Variants in EXOC4 observed in about 807,000 individuals in gnomAD.
EXOC4 encodes exocyst complex component 4.
A neutral mutation model predicts 107.2 loss-of-function variants in EXOC4; 71 were observed. That is an observed-to-expected ratio of 0.66 (90% CI 0.55 to 0.81). The LOEUF is 0.81. EXOC4 is among the 30% of genes least tolerant of loss of function. EXOC4 has a pLI of 0.00. For missense variants in EXOC4, 1,108 were observed against 1,189.6 expected (o/e 0.93, Z 1.01); for synonymous variants, 456 against 441.2 (o/e 1.03, Z -0.42).
intron 7 of EXOC4, among the ~76,000 whole-genome samples, chr7:133,473,074 C>T (rs1349157498): frequency 2.0e-5 from 3 of 152,180 alleles, no homozygotes; most frequent in African/African-American, 7.2e-5. Context: ...CATTTATATA[C>T]ATCTTTCTGT....
At chr7:133,727,129 T>G (rs1022674373) in intron 10 of EXOC4, among the ~76,000 whole-genome samples, 9 of 152,246 alleles carry the variant, frequency 5.9e-5, no homozygotes, top group Admixed American at 5.2e-4. Flanking sequence ...ATTGTCAATC[T>G]GTTTTTGTTA....
At chr7:133,798,988 G>T (rs1253211763) in intron 10 of EXOC4, among the ~76,000 whole-genome samples, 1 of 152,092 alleles carries the variant, frequency 6.6e-6, no homozygotes, top group Non-Finnish European at 1.5e-5. Context: ...GGCTGAAGCT[G>T]CGATTTTGAG....
In EXOC4 at chr7:133,603,583, A is replaced by T. The variant is rs978907416; in HGVS notation, c.1418-26462A>T. On this transcript the variant is annotated intron_variant, in intron 9 of 17. Transcript: ENST00000253861. ...TACAACATGTTACTGTACTACATGC[A>T]CAACGTGTAGGCAATTGTAACAAAA... is the stretch of plus-strand genomic sequence containing the variant. Among the ~76,000 whole-genome samples the T allele has an allele frequency of 2.9e-4, 44 of 152,248 alleles. 1 individual carries two copies. Among genetic ancestry groups the T allele is most frequent in the African/African-American group, 9.2e-4 (38 of 41,466 alleles).
At chr7:133,615,276 T>C (rs578225382) in intron 9 of EXOC4, among the ~76,000 whole-genome samples, 1 of 150,786 alleles carries the variant, frequency 6.6e-6, no homozygotes, top group Admixed American at 6.6e-5. Flanking sequence ...CTCCTCCTCC[T>C]CCCCCCTCAT....
intron 7 of EXOC4, chr7:133,396,245 C>T (rs969023274): frequency 2.0e-5 from 3 of 152,238 alleles, no homozygotes; most frequent in South Asian, 4.1e-4. Flanking sequence ...AATAATGAAA[C>T]GCTAGTGTTA....
At chr7:133,436,722 A>G (rs899089380) in intron 7 of EXOC4, among the ~76,000 whole-genome samples, 2 of 152,208 alleles carry the variant, frequency 1.3e-5, no homozygotes, top group African/African-American at 2.4e-5. Context: ...ATGGTTATTA[A>G]TGTGCACTAT....
chr7:133,352,203 T>G (rs1416992708), intron 5 of EXOC4, among the ~76,000 whole-genome samples: 1 of 151,922 alleles, frequency 6.6e-6, no homozygotes, highest in Admixed American at 6.6e-5. Context: ...GTTGGTTGAT[T>G]GTGTTAAGTC....
intron 10 of EXOC4, among the ~76,000 whole-genome samples, chr7:133,686,361 A>AT (rs964109140): frequency 6.6e-6 from 1 of 152,076 alleles, no homozygotes. Flanking sequence ...GCCTCTTAGC[A>AT]TTTTTTTCCC....
chr7:133,931,416 A>T (rs1475063494), intron 13 of EXOC4, among the ~76,000 whole-genome samples: 1 of 152,152 alleles, frequency 6.6e-6, no homozygotes, highest in Non-Finnish European at 1.5e-5. Context: ...GAGTACAAAG[A>T]CTTAATTGTT....
chr7:133,328,743 T>G (rs1234052764), intron 5 of EXOC4, among the ~76,000 whole-genome samples: 2 of 152,242 alleles, frequency 1.3e-5, no homozygotes, highest in Non-Finnish European at 2.9e-5. Context: ...ATGTTGAATA[T>G]TGGCCCTCAC....
chr7:133,542,466 G>A (rs761260682), intron 9 of EXOC4, among the ~76,000 whole-genome samples: 2 of 152,138 alleles, frequency 1.3e-5, no homozygotes, highest in Non-Finnish European at 2.9e-5. Context: ...AGTGAAACAA[G>A]ATTGGTCAGA....
chr7:133,421,776 C>T (rs956007212), intron 7 of EXOC4, among the ~76,000 whole-genome samples: 6 of 152,178 alleles, frequency 3.9e-5, no homozygotes, highest in Admixed American at 2.6e-4. Flanking sequence ...TTTTAAAAAT[C>T]TCCTAACTAC....
chr7:133,967,444 C>T (rs942270381), intron 14 of EXOC4, among the ~76,000 whole-genome samples: 2 of 152,084 alleles, frequency 1.3e-5, no homozygotes, highest in African/African-American at 2.4e-5. Flanking sequence ...AGATCTTTCC[C>T]GCTTTCTCCT....
chr7:133,906,862 C>G (rs1011662760), intron 12 of EXOC4, among the ~76,000 whole-genome samples: 1 of 152,220 alleles, frequency 6.6e-6, no homozygotes. Context: ...CCTAATCAAG[C>G]TGAACACTAG....
chr7:133,386,371 C>T (rs1796726872), intron 7 of EXOC4, among the ~76,000 whole-genome samples: 1 of 152,210 alleles, frequency 6.6e-6, no homozygotes. Flanking sequence ...TCCTCTCTCC[C>T]TGTTTTTAGA....
At position 133,730,996 on chromosome 7, in the gene EXOC4, T is replaced by C. The variant is rs113026431; in HGVS notation, c.1515-86329T>C. Among the ~76,000 whole-genome samples the C allele has an allele frequency of 2.7e-3, 411 of 152,292 alleles. 2 individuals are homozygous for C. Among genetic ancestry groups the C allele is most frequent in the African/African-American group, 9.4e-3 (390 of 41,576 alleles). On this transcript the variant is annotated intron_variant, in intron 10 of 17. Coordinates refer to ENST00000253861, the MANE Select transcript of EXOC4 (RefSeq NM_021807.4). ...TAAATCCAGTTCTTCAAATGGAAGA[T>C]AGGATTTAGGTATTTTTTACTTTAG...
At chr7:133,300,104 A>G (rs972245090) in intron 3 of EXOC4, among the ~76,000 whole-genome samples, 1 of 152,082 alleles carries the variant, frequency 6.6e-6, no homozygotes, top group African/African-American at 2.4e-5. Context: ...CCTAAGGGAG[A>G]TAGGGCACCT....
At chr7:133,394,067 A>T (rs1250050566) in intron 7 of EXOC4, among the ~76,000 whole-genome samples, 4 of 152,212 alleles carry the variant, frequency 2.6e-5, no homozygotes, top group Non-Finnish European at 5.9e-5. Context: ...AAATGATGTC[A>T]TGAAATAATG....
chr7:133,787,979 ATATATATATATAT>A (rs1796621479), intron 10 of EXOC4, among the ~76,000 whole-genome samples: 1 of 70,128 alleles, frequency 1.4e-5, no homozygotes, highest in Non-Finnish European at 2.8e-5. Context: ...ATATATATAT[ATATATATATATAT>A]ATATATATAT....
Sources: allele counts gnomAD v4.1 joint callset (sites outside exome capture counted in the v4.1 genomes callset), GRCh38; gene constraint gnomAD v4.1.1; transcripts MANE v1.5; gene names NCBI Gene and HGNC (gene_info 2026-07-23, HGNC 2026-07-21).